Variants in ADAMTS19 observed in about 807,000 individuals in gnomAD.
The protein encoded by ADAMTS19 is A disintegrin and metalloproteinase with thrombospondin motifs 19.
A neutral mutation model predicts 153.3 loss-of-function variants in ADAMTS19; 93 were observed. The observed-to-expected ratio is 0.61, with a 90% CI of 0.51 to 0.72. The LOEUF is 0.72. Ranked by LOEUF, ADAMTS19 falls within the 30% of genes least tolerant of loss-of-function variation. ADAMTS19 has a pLI of 0.00. For synonymous variants in ADAMTS19, 600 were observed against 556.6 expected (o/e 1.08, Z -1.10); for missense variants, 1,482 against 1,552.1 (o/e 0.95, Z 0.76).
intron 17 of ADAMTS19, among the ~76,000 whole-genome samples, chr5:129,682,654 ACTGT>A (rs567612435): frequency 3.9e-5 from 6 of 152,290 alleles, no homozygotes; most frequent in African/African-American, 2.4e-5. Context: ...ACCCATTTAA[ACTGT>A]CTGTCTTTAA....
intron 10 of ADAMTS19, among the ~76,000 whole-genome samples, chr5:129,631,400 T>G (rs1232538474): frequency 6.6e-6 from 1 of 151,912 alleles, no homozygotes; most frequent in African/African-American, 2.4e-5. Context: ...TCGTCTTTTA[T>G]TATGTGTATG....
At chr5:129,598,600 A>T (rs1286398021) in intron 8 of ADAMTS19, among the ~76,000 whole-genome samples, 1 of 152,206 alleles carries the variant, frequency 6.6e-6, no homozygotes, top group Non-Finnish European at 1.5e-5. Context: ...ACCAAAATTT[A>T]CTCCATACAA....
In ADAMTS19 at chr5:129,737,471, AG is replaced by A. The variant is rs1162807568; in HGVS notation, c.*255del. On this transcript the variant is annotated 3_prime_UTR_variant, in exon 23 of 23. Coordinates refer to ENST00000274487, the MANE Select transcript of ADAMTS19 (RefSeq NM_133638.6). ...ATCCAGTAATATAATAAAAAGAAAAAGGAAAAAAATAGATCATTATACTTAA... is the reference window on the plus strand; with the variant it reads ...ATCCAGTAATATAATAAAAAGAAAAAGAAAAAAATAGATCATTATACTTAA... 3.9e-6 allele frequency: 1 copy of A among 254,384 alleles called. No individual in the cohort carries two copies. The highest frequency in any genetic ancestry group is 7.3e-6 in the Non-Finnish European group (1 of 137,350). 15.8% of individuals were successfully genotyped at this position (254,384 alleles called of 1,614,324 possible).
chr5:129,522,314 T>TACACACACACAC (rs1455704023), intron 3 of ADAMTS19, among the ~76,000 whole-genome samples: 2 of 94,458 alleles, frequency 2.1e-5, no homozygotes, highest in African/African-American at 1.0e-4. Flanking sequence ...TATATATATA[T>TACACACACACAC]ATACACACAC....
chr5:129,484,078 G>A (rs999904792), intron 2 of ADAMTS19, among the ~76,000 whole-genome samples: 2 of 151,952 alleles, frequency 1.3e-5, no homozygotes, highest in Admixed American at 6.6e-5. Flanking sequence ...AACATACTTC[G>A]TGAATTTTTA....
intron 6 of ADAMTS19, among the ~76,000 whole-genome samples, chr5:129,550,759 G>A (rs771859873): frequency 6.5e-4 from 98 of 151,298 alleles, no homozygotes; most frequent in African/African-American, 2.3e-3. Context: ...GTAACAGAGA[G>A]GAAATTTTTT....
At chr5:129,709,215 G>A (rs1044162632) in intron 21 of ADAMTS19, among the ~76,000 whole-genome samples, 15 of 151,880 alleles carry the variant, frequency 9.9e-5, no homozygotes, top group Admixed American at 7.2e-4. Flanking sequence ...GGAATTCTAC[G>A]TATTCTGAGC....
intron 6 of ADAMTS19, among the ~76,000 whole-genome samples, chr5:129,545,651 G>T (rs1033110290): frequency 3.3e-5 from 5 of 151,620 alleles, no homozygotes; most frequent in Non-Finnish European, 5.9e-5. Context: ...ATCATCACTG[G>T]CCATCAGAGA....
intron 3 of ADAMTS19, among the ~76,000 whole-genome samples, chr5:129,509,622 A>G (rs1398293302): frequency 6.6e-6 from 1 of 152,024 alleles, no homozygotes; most frequent in Non-Finnish European, 1.5e-5. Flanking sequence ...TGAAAGCATC[A>G]TAGATATCTC....
At chr5:129,669,449 A>G (rs567636403) in intron 16 of ADAMTS19, among the ~76,000 whole-genome samples, 1 of 152,108 alleles carries the variant, frequency 6.6e-6, no homozygotes, top group African/African-American at 2.4e-5. Flanking sequence ...AGCATTGATT[A>G]TAACAGCCTC....
chr5:129,523,378 A>G (rs1273233729), intron 3 of ADAMTS19, among the ~76,000 whole-genome samples: 3 of 152,180 alleles, frequency 2.0e-5, no homozygotes, highest in Non-Finnish European at 4.4e-5. Context: ...TGTATTAAAT[A>G]GTAAAGAAAT....
In ADAMTS19 at chr5:129,664,875, C is replaced by G. The variant is rs536438852; in HGVS notation, c.2426-624C>G. Among the ~76,000 whole-genome samples, 3 of 152,244 alleles carry G rather than the reference C, an allele frequency of 2.0e-5. No individual in the cohort carries two copies. In the East Asian group the frequency reaches 5.8e-4, roughly 29 times the overall value. ...TTCAAGTATTATATCCCTACATCTGCTGAAAAATGTTTCCTGAGAAGCACC... is the reference window on the plus strand; with the variant it reads ...TTCAAGTATTATATCCCTACATCTGGTGAAAAATGTTTCCTGAGAAGCACC... On this transcript the variant is annotated intron_variant, in intron 15 of 22. Coordinates refer to ENST00000274487, the MANE Select transcript of ADAMTS19 (RefSeq NM_133638.6).
chr5:129,651,639 T>G (rs1753320297), intron 13 of ADAMTS19, among the ~76,000 whole-genome samples: 2 of 152,192 alleles, frequency 1.3e-5, no homozygotes, highest in South Asian at 2.1e-4. Context: ...TCTGCTGATT[T>G]TGGGGTTCAG....
chr5:129,528,450 G>A, intron 5 of ADAMTS19, 70 bp from the exon 6 acceptor site: 6 of 1,080,220 alleles, frequency 5.6e-6, no homozygotes, highest in Non-Finnish European at 6.3e-6. Context: ...CTTTGTTATT[G>A]TTGTTGTTGT....
chr5:129,618,222 C>G (rs1189171289), intron 8 of ADAMTS19, among the ~76,000 whole-genome samples: 2 of 151,978 alleles, frequency 1.3e-5, no homozygotes, highest in Non-Finnish European at 2.9e-5. Flanking sequence ...TATTTTTCCT[C>G]TTTATCTTCA....
At chr5:129,640,947 C>T (rs1356810496) in intron 10 of ADAMTS19, among the ~76,000 whole-genome samples, 2 of 152,082 alleles carry the variant, frequency 1.3e-5, no homozygotes, top group African/African-American at 4.8e-5. Context: ...GCCTCAGCCT[C>T]CTGAGTAGCT....
At chr5:129,607,232 G>GTC (rs1750945283) in intron 8 of ADAMTS19, among the ~76,000 whole-genome samples, 1 of 152,100 alleles carries the variant, frequency 6.6e-6, no homozygotes, top group Admixed American at 6.6e-5. Flanking sequence ...CCACTTTTAA[G>GTC]TCTCTTACAC....
intron 7 of ADAMTS19, among the ~76,000 whole-genome samples, chr5:129,583,067 T>G (rs1283045030): frequency 6.6e-6 from 1 of 152,154 alleles, no homozygotes; most frequent in African/African-American, 2.4e-5. Context: ...CCTTCCATAT[T>G]TAGTGCTTCT....
intron 18 of ADAMTS19, among the ~76,000 whole-genome samples, chr5:129,686,691 G>T (rs1294354136): frequency 6.6e-6 from 1 of 152,084 alleles, no homozygotes; most frequent in Admixed American, 6.6e-5. Flanking sequence ...GCATCCTTTG[G>T]CAGAGGGCTC....
Sources: allele counts gnomAD v4.1 joint callset (sites outside exome capture counted in the v4.1 genomes callset), GRCh38; gene constraint gnomAD v4.1.1; transcripts MANE v1.5; gene names NCBI Gene and HGNC (gene_info 2026-07-23, HGNC 2026-07-21).